PRPSAP1: variants seen among roughly 807,000 people sequenced by gnomAD.
PRPSAP1 encodes the protein phosphoribosyl pyrophosphate synthetase associated protein 1, also known as phosphoribosyl pyrophosphate synthase-associated protein 1.
In PRPSAP1, 31 loss-of-function variants were observed where a neutral mutation model predicts 39.4. The ratio of observed to expected loss-of-function variants is 0.79; its 90% CI spans 0.59 to 1.06. The LOEUF (loss-of-function observed/expected upper bound fraction) is 1.06, where lower values mean the gene tolerates loss of function less well. Among genes scored for constraint, PRPSAP1 ranks in the 50% least tolerant of loss-of-function variants. The pLI is 0.00. For synonymous variants in PRPSAP1, 212 were observed against 192.6 expected (o/e 1.10, Z -0.83); for missense variants, 430 against 511.6 (o/e 0.84, Z 1.54).
chr17:76,322,107 AAAC>A (rs1372679244), intron 7 of PRPSAP1, among the ~76,000 whole-genome samples: 1 of 152,226 alleles, frequency 6.6e-6, no homozygotes, highest in Admixed American at 6.5e-5. Flanking sequence ...AAACAATATC[AAAC>A]AACAGGCCGG....
chr17:76,326,363 A>G (rs1174495331), intron 7 of PRPSAP1, among the ~76,000 whole-genome samples: 1 of 152,026 alleles, frequency 6.6e-6, no homozygotes, highest in Non-Finnish European at 1.5e-5. Context: ...CAGTTAAAAC[A>G]TAGTCTTAAC....
chr17:76,352,088 T>C (rs1410465641), intron 1 of PRPSAP1, among the ~76,000 whole-genome samples: 1 of 150,854 alleles, frequency 6.6e-6, no homozygotes, highest in Non-Finnish European at 1.5e-5. Flanking sequence ...CAAGCAGAGC[T>C]GAAAAAAAAA....
At chr17:76,324,202 T>A (rs2071227892) in intron 7 of PRPSAP1, among the ~76,000 whole-genome samples, 1 of 151,878 alleles carries the variant, frequency 6.6e-6, no homozygotes, top group Non-Finnish European at 1.5e-5. Flanking sequence ...ACAGATCATT[T>A]TGTAGTTCAT....
At position 76,328,295 on chromosome 17, in the gene PRPSAP1, T is replaced by C. The variant is rs142116069; in HGVS notation, c.781+422A>G. ...ATAACTCCTAGCCATTCATACTACT[T>C]AAAACTTTCTTCAGGGCCAGGTGCA... On this transcript the variant is annotated intron_variant, in intron 7 of 9. Coordinates refer to ENST00000446526, the MANE Select transcript of PRPSAP1 (RefSeq NM_002766.3). Among the ~76,000 whole-genome samples, 125 of 152,086 alleles carry C rather than the reference T, an allele frequency of 8.2e-4. 1 individual carries two copies. The East Asian group carries it at 0.021, about 25-fold the overall frequency.
chr17:76,323,507 G>T (rs1361498013), intron 7 of PRPSAP1, among the ~76,000 whole-genome samples: 4 of 152,010 alleles, frequency 2.6e-5, no homozygotes, highest in African/African-American at 9.7e-5. Context: ...AACATTAACA[G>T]GAGTTTGGAA....
chr17:76,332,243 G>A lies in PRPSAP1; in HGVS notation c.463+20C>T, dbSNP rs777177650. 7.4e-6 allele frequency: 12 copies of A among 1,610,970 alleles called. No individual in the cohort carries two copies. The African/African-American group carries it at 8.0e-5, about 11-fold the overall frequency. ...CCTAAAGGATCATGCTGGAACCCCAGGGCCCCCGCGCACACTCACCTGCTT... is the reference window on the plus strand; with the variant it reads ...CCTAAAGGATCATGCTGGAACCCCAAGGCCCCCGCGCACACTCACCTGCTT... On this transcript the variant is annotated intron_variant, in intron 4 of 9. Coordinates refer to ENST00000446526, the MANE Select transcript of PRPSAP1 (RefSeq NM_002766.3).
chr17:76,348,029 A>G lies in PRPSAP1; in HGVS notation c.223+500T>C, dbSNP rs2071528744. ...GAAAAAATATTTGCATTTTAGAAAT[A>G]ACGTGGTGGAAGCCGAGTGCGGTGG... On this transcript the variant is annotated intron_variant, in intron 2 of 9. Coordinates refer to ENST00000446526, the MANE Select transcript of PRPSAP1 (RefSeq NM_002766.3). Among the ~76,000 whole-genome samples the G allele has an allele frequency of 2.6e-5, 4 of 152,138 alleles. 1 individual carries two copies. The South Asian group carries it at 8.3e-4, about 32-fold the overall frequency.
In PRPSAP1 at chr17:76,332,348, G is replaced by A. The variant is rs144366518; in HGVS notation, c.378C>T (p.Pro126=). 253 of 1,614,062 alleles carry A rather than the reference G, an allele frequency of 1.6e-4. No individual in the cohort carries two copies. Among genetic ancestry groups the A allele is most frequent in the Middle Eastern group, 6.6e-4 (4 of 6,084 alleles). ...TGCTCTGCTTGCTGTAGGGGAAGTA[G>A]GGGATGACCCCAATAATGTTCCTGG... ...ACARNIIGVI[P]YFPYSKQSKM... Residue 126 remains proline (P), a synonymous_variant, in exon 4 of 10, where the codon CCC becomes CCT. Transcript: ENST00000446526.
intron 7 of PRPSAP1, among the ~76,000 whole-genome samples, chr17:76,325,715 C>T (rs1050186766): frequency 6.6e-6 from 1 of 151,048 alleles, no homozygotes; most frequent in Non-Finnish European, 1.5e-5. Context: ...ATGCCATTCT[C>T]CTGCCTCAGC....
intron 9 of PRPSAP1, among the ~76,000 whole-genome samples, chr17:76,312,310 G>A (rs2071077810): frequency 6.6e-6 from 1 of 152,018 alleles, no homozygotes; most frequent in Admixed American, 6.6e-5. Flanking sequence ...GGTGGCCGGC[G>A]CGTGTAATCC....
In PRPSAP1 at chr17:76,328,744, T is replaced by C. The variant is rs781031519; in HGVS notation, c.754A>G (p.Thr252Ala). The change falls in exon 7 of 10, where the codon ACT (threonine) becomes GCT (alanine). Residue 252 changes from threonine to alanine, a missense_variant. By Grantham distance (58) the Thr-to-Ala change is moderately conservative. Transcript: ENST00000446526. ...GGCAACTCCAGGCCTGGGTGCACAG[T>C]AGCATTTTTGACCATAGGCGGGGAG... ...RHSPPMVKNA[T>A]VHPGLELPLM... 6.2e-7 allele frequency: 1 copy of C among 1,614,114 alleles called. No individual in the cohort carries two copies. The highest frequency in any genetic ancestry group is 8.5e-7 in the Non-Finnish European group (1 of 1,180,024).
At chr17:76,345,424 G>A (rs1166725825) in intron 2 of PRPSAP1, among the ~76,000 whole-genome samples, 1 of 151,534 alleles carries the variant, frequency 6.6e-6, no homozygotes, top group Non-Finnish European at 1.5e-5. Context: ...CCGTGATCGC[G>A]CCACTGCACT....
At position 76,309,819 on chromosome 17, in the gene PRPSAP1, A is replaced by C. The variant is rs1182538568; in HGVS notation, c.*1723T>G. 6.6e-6 allele frequency: 1 copy of C among 152,212 alleles called. No homozygotes were observed. Among genetic ancestry groups the C allele is most frequent in the Non-Finnish European group, 1.5e-5 (1 of 68,032 alleles). The allele number at this position is 152,212 out of a possible 1,614,324, so 9.4% of individuals were successfully genotyped here. A position where few individuals can be genotyped will look rare whatever the true frequency, so the allele number is the denominator to read the frequency against. On this transcript the variant is annotated 3_prime_UTR_variant, in exon 10 of 10. Coordinates refer to ENST00000446526, the MANE Select transcript of PRPSAP1 (RefSeq NM_002766.3). ...GAGTCCTGGAACCAATCACCCATGG[A>C]TTGTAAGGAATAACTGTACTATTTT...
At chr17:76,335,535 T>C (rs1015282052) in intron 3 of PRPSAP1, among the ~76,000 whole-genome samples, 3 of 152,018 alleles carry the variant, frequency 2.0e-5, no homozygotes, top group Admixed American at 6.6e-5. Context: ...TTTGTATTTT[T>C]AGTAGAGATG....
At chr17:76,343,607 C>G (rs1478449172) in intron 3 of PRPSAP1, among the ~76,000 whole-genome samples, 2 of 152,216 alleles carry the variant, frequency 1.3e-5, no homozygotes, top group African/African-American at 4.8e-5. Flanking sequence ...GGCTGAGGTG[C>G]ATGGATCACT....
At chr17:76,335,994 C>CA (rs1567805548) in intron 3 of PRPSAP1, among the ~76,000 whole-genome samples, 1 of 151,702 alleles carries the variant, frequency 6.6e-6, no homozygotes, top group East Asian at 1.9e-4. Flanking sequence ...AAAAAACACA[C>CA]AAAAAAATAA....
In PRPSAP1 at chr17:76,311,602, C is replaced by A. The variant is rs1277442864; in HGVS notation, c.1098G>T (p.Arg366=). The A allele has an allele frequency of 6.2e-7, 1 of 1,614,172 alleles. No individual in the cohort carries two copies. Among genetic ancestry groups the A allele is most frequent in the Non-Finnish European group, 8.5e-7 (1 of 1,180,028 alleles). Residue 366 remains arginine, a synonymous_variant, in exon 10 of 10, where the codon CGG becomes CGT. Coordinates refer to ENST00000446526, the MANE Select transcript of PRPSAP1 (RefSeq NM_002766.3). ...CCATGGACTCTCCATTGTGGATTCT[C>A]CGAATGGCTTCAGAAAGAATCAAAC... is the stretch of plus-strand genomic sequence containing the variant. ...DISLILSEAI[R]RIHNGESMAY...
chr17:76,320,175 C>G (rs1487919483), intron 7 of PRPSAP1, among the ~76,000 whole-genome samples: 2 of 151,712 alleles, frequency 1.3e-5, no homozygotes, highest in Non-Finnish European at 2.9e-5. Context: ...GAGAACGAGC[C>G]ACGAGAATCA....
At chr17:76,341,042 C>T (rs948966863) in intron 3 of PRPSAP1, among the ~76,000 whole-genome samples, 11 of 151,954 alleles carry the variant, frequency 7.2e-5, no homozygotes, top group Admixed American at 4.6e-4. Context: ...TTAGCTCCTC[C>T]CCTGACTCAT....
Sources: gnomAD v4.1 joint callset for allele counts (sites outside exome capture counted in the v4.1 genomes callset) on GRCh38, gnomAD v4.1.1 for gene constraint, MANE v1.5 for transcripts, NCBI Gene and HGNC (gene_info 2026-07-23, HGNC 2026-07-21) for gene names.